CLIP1: variants seen among roughly 807,000 people sequenced by gnomAD.
CLIP1 encodes the protein CAP-Gly domain containing linker protein 1, also known as CAP-Gly domain-containing linker protein 1.
A neutral mutation model predicts 161.6 loss-of-function variants in CLIP1; 66 were observed. The observed-to-expected ratio is 0.41, with a 90% CI of 0.33 to 0.50. The LOEUF is 0.50. Ranked by LOEUF, CLIP1 falls within the 20% of genes least tolerant of loss-of-function variation. The probability of loss-of-function intolerance (pLI) is 0.27; values close to 1 mark genes in which losing one functional copy is unlikely to be tolerated. For synonymous variants in CLIP1, 598 were observed against 626.2 expected, an observed-to-expected ratio of 0.96 and a Z score of 0.67; for missense variants, 1,376 against 1,702.0, an observed-to-expected ratio of 0.81 and a Z score of 3.37.
At position 122,289,219 on chromosome 12, in the gene CLIP1, C is replaced by T. The variant is rs112460057; in HGVS notation, c.3595-678G>A. Among the ~76,000 whole-genome samples, 1,211 of 151,918 alleles carry T rather than the reference C, an allele frequency of 8.0e-3. 12 individuals are homozygous for T. Among genetic ancestry groups the T allele is most frequent in the African/African-American group, 0.019 (806 of 41,542 alleles). On this transcript the variant is annotated intron_variant, in intron 20 of 25. Coordinates refer to ENST00000620786, the MANE Select transcript of CLIP1 (RefSeq NM_001247997.2). Reference sequence around the variant, plus strand: ...GGGCAAGATGGGCGGATCAGGAGTTCGAGCCCAGCCTGGCCAACATGGTGA... The same window carrying T: ...GGGCAAGATGGGCGGATCAGGAGTTTGAGCCCAGCCTGGCCAACATGGTGA...
At chr12:122,336,443 A>G (rs942817625) in intron 12 of CLIP1, among the ~76,000 whole-genome samples, 189 bp downstream of exon 12, 1 of 150,908 alleles carries the variant, frequency 6.6e-6, no homozygotes, top group Non-Finnish European at 1.5e-5. Flanking sequence ...AGTAATACCT[A>G]CCTTTGTTGT....
rs764627154 is a variant in CLIP1 at position 122,354,542 on chromosome 12, C to T, written c.1218G>A (p.Leu406=). ...TTCGCAGCTGGTCCATTTTGGCTTCCAATTCCAGGACATGCTGGGGAAGGC... is the reference window on the plus strand; with the variant it reads ...TTCGCAGCTGGTCCATTTTGGCTTCTAATTCCAGGACATGCTGGGGAAGGC... The part of the protein sequence containing the change: ...RDGHDQHVLE[L]EAKMDQLRTM... Residue 406 remains leucine, a synonymous_variant, in exon 7 of 26, where the codon TTG becomes TTA. Coordinates refer to ENST00000620786, the MANE Select transcript of CLIP1 (RefSeq NM_001247997.2). 9.3e-6 allele frequency: 15 copies of T among 1,613,600 alleles called. No individual in the cohort carries two copies. The highest frequency in any genetic ancestry group is 1.1e-5 in the Non-Finnish European group (13 of 1,179,762).
At chr12:122,339,966 A>AT (rs1208635187) in intron 11 of CLIP1, among the ~76,000 whole-genome samples, 9 of 152,172 alleles carry the variant, frequency 5.9e-5, no homozygotes, top group Non-Finnish European at 1.2e-4. Context: ...AAGATACCAT[A>AT]TTACAATCTT....
At chr12:122,306,052 TAA>T (rs544566972) in intron 20 of CLIP1, among the ~76,000 whole-genome samples, 57 of 127,558 alleles carry the variant, frequency 4.5e-4, no homozygotes, top group Admixed American at 5.7e-4. Context: ...AGACTCCATC[TAA>T]AAAAAAAAAA....
chr12:122,323,384 T>C lies in CLIP1; in HGVS notation c.3250-4036A>G, dbSNP rs1951589224. 6.6e-6 allele frequency: 1 copy of C among 152,670 alleles called. No individual in the cohort carries two copies. The highest frequency in any genetic ancestry group is 1.5e-5 in the Non-Finnish European group (1 of 68,054). The allele number at this position is 152,670 out of a possible 1,614,324, so 9.5% of individuals were successfully genotyped here. A position where few individuals can be genotyped will look rare whatever the true frequency, so the allele number is the denominator to read the frequency against. On this transcript the variant is annotated intron_variant, in intron 17 of 25. Coordinates refer to ENST00000620786, the MANE Select transcript of CLIP1 (RefSeq NM_001247997.2). This position sits in a 1 kb window ranked among gnomAD's most constrained non-coding sequence, Gnocchi z 4.1. The stretch of plus-strand genomic sequence containing the variant: ...CCTTCTCTCGGAGGCAGCCAAGGTT[T>C]CTTTCTCATGCAGAAGCTGGATGCA...
At position 122,354,597 on chromosome 12, in the gene CLIP1, C is replaced by T. The variant is rs116559357; in HGVS notation, c.1204-41G>A. 89 of 1,506,630 alleles carry T rather than the reference C, an allele frequency of 5.9e-5. No individual in the cohort carries two copies. In the African/African-American group the frequency reaches 1.1e-3, roughly 18 times the overall value. The allele number at this position is 1,506,630 out of a possible 1,614,324, so 93.3% of individuals were successfully genotyped here. ...ATGTCGGTAAATGGACTATTTCTGA[C>T]CCAGATACAGACCCAGTGATACTTC... On this transcript the variant is annotated intron_variant, in intron 6 of 25. Coordinates refer to ENST00000620786, the MANE Select transcript of CLIP1 (RefSeq NM_001247997.2).
At chr12:122,412,357 TTAA>T (rs1301552867) in intron 1 of CLIP1, among the ~76,000 whole-genome samples, 8 of 150,234 alleles carry the variant, frequency 5.3e-5, no homozygotes, top group African/African-American at 1.7e-4. Context: ...AAAAAATTTT[TTAA>T]TAAGAAGACT....
In CLIP1 at chr12:122,330,144, G is replaced by C. The variant is rs749855111; in HGVS notation, c.2868-1718C>G. Among the ~76,000 whole-genome samples, 4 of 151,708 alleles carry C rather than the reference G, an allele frequency of 2.6e-5. No homozygotes were observed. The East Asian group carries it at 7.7e-4, about 29-fold the overall frequency. ...AAAAAAAACAAAAAACAAAAAACAC[G>C]GGATGTTGATCAAGAAAACAGACTA... On this transcript the variant is annotated intron_variant, in intron 15 of 25. Transcript: ENST00000620786.
chr12:122,388,883 A>G (rs552365335), intron 1 of CLIP1, among the ~76,000 whole-genome samples: 2 of 152,220 alleles, frequency 1.3e-5, no homozygotes, highest in African/African-American at 4.8e-5. Flanking sequence ...CCCAGATGCT[A>G]AAGTTTGAGA....
In CLIP1 at chr12:122,355,382, C is replaced by T; in HGVS notation, c.1006-70G>A. 1.4e-6 allele frequency: 2 copies of T among 1,410,792 alleles called. No homozygotes were observed. Among genetic ancestry groups the T allele is most frequent in the Non-Finnish European group, 2.0e-6 (2 of 1,013,006 alleles). The allele number at this position is 1,410,792 out of a possible 1,614,324, so 87.4% of individuals were successfully genotyped here. A position where few individuals can be genotyped will look rare whatever the true frequency, so the allele number is the denominator to read the frequency against. On this transcript the variant is annotated intron_variant, in intron 5 of 25. Coordinates refer to ENST00000620786, the MANE Select transcript of CLIP1 (RefSeq NM_001247997.2). This position sits in a 1 kb window ranked among gnomAD's most constrained non-coding sequence, Gnocchi z 4.1. ...AAAAGCGAGGGAGGCGCGATGCATG[C>T]ATGGCGGGCATCTGCTCGGCAAAGC...
rs532051261 is a variant in CLIP1 at position 122,373,845 on chromosome 12, T to C, written c.657+3544A>G. 3.9e-5 allele frequency among the ~76,000 whole-genome samples: 6 copies of C among 152,272 alleles called. No individual in the cohort carries two copies. In the South Asian group the frequency reaches 1.0e-3, roughly 26 times the overall value. ...TATTATGAAAATGGCTTATATGTAA[T>C]AAGACCTCACTATGTGTGTGTTTCA... is the stretch of plus-strand genomic sequence containing the variant. On this transcript the variant is annotated intron_variant, in intron 3 of 25. Transcript: ENST00000620786.
chr12:122,329,480 A>G (rs2136245671), intron 15 of CLIP1, among the ~76,000 whole-genome samples: 1 of 151,920 alleles, frequency 6.6e-6, no homozygotes, highest in South Asian at 2.1e-4. Context: ...AATACAAAAA[A>G]TTAGCCGGGC....
rs565240301 is a variant in CLIP1 at position 122,281,709 on chromosome 12, G to A, written c.3648-2564C>T. Among the ~76,000 whole-genome samples, 31 of 150,954 alleles carry A rather than the reference G, an allele frequency of 2.1e-4. No individual in the cohort carries two copies. The East Asian group carries it at 2.1e-3, about 10-fold the overall frequency. On this transcript the variant is annotated intron_variant, in intron 21 of 25. Coordinates refer to ENST00000620786, the MANE Select transcript of CLIP1 (RefSeq NM_001247997.2). ...AGCCTGGGCAACAGAGCAAGACCCCGTCTGAAAAAAAAAATCCTGGGTTTC... is the reference window on the plus strand; with the variant it reads ...AGCCTGGGCAACAGAGCAAGACCCCATCTGAAAAAAAAAATCCTGGGTTTC...
chr12:122,287,720 TTTTAA>T (rs1353781312), intron 21 of CLIP1, among the ~76,000 whole-genome samples: 3 of 152,178 alleles, frequency 2.0e-5, no homozygotes, highest in Admixed American at 6.5e-5. Flanking sequence ...TTATCCTAGT[TTTTAA>T]TTTGAGTATC....
At chr12:122,417,850 AT>A (rs1956808534) in intron 1 of CLIP1, among the ~76,000 whole-genome samples, 1 of 152,078 alleles carries the variant, frequency 6.6e-6, no homozygotes, top group Admixed American at 6.6e-5. Context: ...ACAAATACAT[AT>A]TTTAAGGACT....
intron 11 of CLIP1, among the ~76,000 whole-genome samples, chr12:122,340,208 G>A (rs769625495): frequency 2.6e-5 from 4 of 151,968 alleles, no homozygotes; most frequent in Non-Finnish European, 5.9e-5. Context: ...AGCCTCCTGG[G>A]TAGCTGGGAT....
chr12:122,283,809 A>G (rs551917971), intron 21 of CLIP1, among the ~76,000 whole-genome samples: 23 of 152,156 alleles, frequency 1.5e-4, no homozygotes, highest in Non-Finnish European at 2.9e-4. Flanking sequence ...CTGCACTTGA[A>G]TATCATGACT....
chr12:122,382,725 A>C (rs1242506553), intron 1 of CLIP1, among the ~76,000 whole-genome samples: 1 of 151,980 alleles, frequency 6.6e-6, no homozygotes, highest in Non-Finnish European at 1.5e-5. Context: ...TAAATAAATA[A>C]ATAAATAAGT....
At position 122,377,709 on chromosome 12, in the gene CLIP1, G is replaced by T. The variant is rs1269753797; in HGVS notation, c.337C>A (p.Pro113Thr). 2 of 1,613,690 alleles carry T rather than the reference G, an allele frequency of 1.2e-6. No homozygotes were observed. Among genetic ancestry groups the T allele is most frequent in the Non-Finnish European group, 1.7e-6 (2 of 1,179,964 alleles). ...VAGVRYFQCE[P>T]LKGIFTRPSK... The stretch of plus-strand genomic sequence containing the variant: ...GGTCGGGTAAATATGCCCTTTAAAG[G>T]TTCACACTGGAAATACCGAACTCCT... The change falls in exon 3 of 26, where the codon CCT becomes ACT. Residue 113 changes from proline to threonine, a missense_variant. Around this residue, in one of 6 missense-constraint regions of CLIP1, gnomAD observed 119 missense variants for 112.0 expected, o/e 1.06. Transcript: ENST00000620786.
Sources: gnomAD v4.1 joint callset for allele counts (sites outside exome capture counted in the v4.1 genomes callset) on GRCh38, gnomAD v4.1.1 for gene constraint, gnomAD v4.1.1 regional missense constraint, Gnocchi (gnomAD v3.1) non-coding constraint, MANE v1.5 for transcripts, NCBI Gene and HGNC (gene_info 2026-07-23, HGNC 2026-07-21) for gene names.